Variants in ST8SIA6 observed in about 807,000 individuals in gnomAD.
ST8SIA6 encodes alpha-2,8-sialyltransferase 8F.
In ST8SIA6, 39 loss-of-function variants were observed where a neutral mutation model predicts 33.6. The observed-to-expected ratio is 1.16, with a 90% CI of 0.90 to 1.52. The LOEUF (loss-of-function observed/expected upper bound fraction) is 1.52, where lower values mean the gene tolerates loss of function less well. Among genes scored for constraint, ST8SIA6 ranks in the 40% most tolerant of loss-of-function variants. The pLI, the probability that ST8SIA6 is intolerant of heterozygous loss-of-function variation, is 0.00. For synonymous variants in ST8SIA6, 172 were observed against 167.2 expected (o/e 1.03, Z -0.22); for missense variants, 441 against 443.8 (o/e 0.99, Z 0.06).
chr10:17,411,176 G>T (rs1182576773), intron 2 of ST8SIA6, among the ~76,000 whole-genome samples: 1 of 92,886 alleles, frequency 1.1e-5, no homozygotes, highest in East Asian at 1.1e-3. Flanking sequence ...AACTCTTTGT[G>T]TGTGTGTGTG....
chr10:17,356,225 G>A (rs191443752), intron 4 of ST8SIA6, among the ~76,000 whole-genome samples: 76 of 151,046 alleles, frequency 5.0e-4, no homozygotes, highest in African/African-American at 1.8e-3. Context: ...CACTCTAGCA[G>A]GAACAAAAAA....
At chr10:17,435,326 C>A (rs1280606518) in intron 2 of ST8SIA6, among the ~76,000 whole-genome samples, 1 of 152,122 alleles carries the variant, frequency 6.6e-6, no homozygotes, top group Non-Finnish European at 1.5e-5. Flanking sequence ...GCTTTATCTC[C>A]ATTTCCTATG....
intron 2 of ST8SIA6, among the ~76,000 whole-genome samples, chr10:17,429,128 A>C (rs1021970842): frequency 6.6e-6 from 1 of 151,758 alleles, no homozygotes; most frequent in African/African-American, 2.4e-5. Context: ...GTATTAGTAG[A>C]TATATCTCTT....
At chr10:17,335,451 A>C (rs1337880375) in intron 4 of ST8SIA6, among the ~76,000 whole-genome samples, 1 of 152,214 alleles carries the variant, frequency 6.6e-6, no homozygotes, top group South Asian at 2.1e-4. Context: ...TCTGAATTCC[A>C]ATAATTCTCA....
At chr10:17,329,960 G>T (rs1489952847) in intron 5 of ST8SIA6, among the ~76,000 whole-genome samples, 1 of 152,070 alleles carries the variant, frequency 6.6e-6, no homozygotes, top group East Asian at 1.9e-4. Flanking sequence ...CCGTCTTCTT[G>T]TGTGCCCAGC....
At chr10:17,445,770 G>C (rs1384339804) in intron 2 of ST8SIA6, among the ~76,000 whole-genome samples, 1 of 152,224 alleles carries the variant, frequency 6.6e-6, no homozygotes, top group Non-Finnish European at 1.5e-5. Context: ...GGGAAAGGGA[G>C]TGAATTGGCC....
intron 2 of ST8SIA6, among the ~76,000 whole-genome samples, chr10:17,448,638 C>T (rs1363588690): frequency 2.7e-5 from 4 of 150,770 alleles, no homozygotes; most frequent in Non-Finnish European, 1.5e-5. Context: ...GTTTTTGAGA[C>T]AGAGTCTCGC....
At chr10:17,403,890 C>T (rs978386693) in intron 2 of ST8SIA6, among the ~76,000 whole-genome samples, 4 of 151,624 alleles carry the variant, frequency 2.6e-5, no homozygotes, top group Admixed American at 6.6e-5. Flanking sequence ...GATGAAACTC[C>T]GTCTCTACTG....
rs1287348494 is a variant in ST8SIA6 at position 17,315,495 on chromosome 10, A to T, written c.*5383T>A. ...AAAATGTTCATCAACAAATGAGCAG[A>T]TAAGCCAACTGTGGTCCATCCATAT... On this transcript the variant is annotated 3_prime_UTR_variant, in exon 8 of 8. Transcript: ENST00000377602. Among the ~76,000 whole-genome samples, 1 of 152,074 alleles carries T rather than the reference A, an allele frequency of 6.6e-6. No homozygotes were observed. Among genetic ancestry groups the T allele is most frequent in the Non-Finnish European group, 1.5e-5 (1 of 67,900 alleles).
chr10:17,445,306 C>G (rs186650244), intron 2 of ST8SIA6, among the ~76,000 whole-genome samples: 1 of 152,102 alleles, frequency 6.6e-6, no homozygotes, highest in Non-Finnish European at 1.5e-5. Flanking sequence ...TACATTCTTA[C>G]GAACAGACAC....
At chr10:17,346,337 T>C (rs1449680859) in intron 4 of ST8SIA6, among the ~76,000 whole-genome samples, 1 of 152,216 alleles carries the variant, frequency 6.6e-6, no homozygotes, top group Non-Finnish European at 1.5e-5. Context: ...CTGGGTGTGC[T>C]GGCTCACATC....
chr10:17,429,674 G>A (rs138928308), intron 2 of ST8SIA6, among the ~76,000 whole-genome samples: 5,892 of 150,600 alleles, frequency 0.039, 165 homozygotes, highest in South Asian at 0.055. Flanking sequence ...GTGTAGAGAT[G>A]GGGTCTCACT....
intron 2 of ST8SIA6, among the ~76,000 whole-genome samples, chr10:17,453,269 T>C (rs1852983222): frequency 6.7e-6 from 1 of 149,756 alleles, no homozygotes; most frequent in Admixed American, 6.6e-5. Flanking sequence ...GCGGGGGTGC[T>C]TTCAACACAC....
intron 3 of ST8SIA6, among the ~76,000 whole-genome samples, chr10:17,366,509 G>A (rs969552773): frequency 6.6e-6 from 1 of 151,794 alleles, no homozygotes; most frequent in African/African-American, 2.4e-5. Flanking sequence ...CTGGTATTAA[G>A]TATATACTTA....
Position 17,374,752 on chromosome 10 carries a change from A to AAT in ST8SIA6, c.291-15154_291-15153dup, listed in dbSNP as rs945167221. Among the ~76,000 whole-genome samples, 607 of 123,300 alleles carry AAT rather than the reference A, an allele frequency of 4.9e-3. 20 individuals carry two copies. The highest frequency in any genetic ancestry group is 6.3e-3 in the Non-Finnish European group (373 of 59,286). 80.9% of individuals were successfully genotyped at this position (123,300 alleles called of 152,430 possible). A position where few individuals can be genotyped will look rare whatever the true frequency, so the allele number is the denominator to read the frequency against. Reference sequence around the variant, plus strand: ...TAAATAAATAAATAAATAAATAATAAATATATATATATATATTTAGCTCAA... The same window carrying AAT: ...TAAATAAATAAATAAATAAATAATAAATATATATATATATATATTTAGCTCAA... On this transcript the variant is annotated intron_variant, in intron 3 of 7. Transcript: ENST00000377602.
intron 1 of ST8SIA6, 61 bp from the exon 2 acceptor site, chr10:17,453,718 G>C: frequency 8.3e-7 from 1 of 1,199,074 alleles, no homozygotes; most frequent in Non-Finnish European, 1.1e-6. Context: ...TGGCTGAAAG[G>C]CTGGGAGTCG....
chr10:17,333,050 T>C (rs981026280), intron 4 of ST8SIA6, among the ~76,000 whole-genome samples: 1 of 152,124 alleles, frequency 6.6e-6, no homozygotes, highest in Admixed American at 6.6e-5. Flanking sequence ...AGAAGCTCTT[T>C]AGTTTAAAAT....
At chr10:17,371,366 A>G (rs1272384677) in intron 3 of ST8SIA6, among the ~76,000 whole-genome samples, 1 of 152,164 alleles carries the variant, frequency 6.6e-6, no homozygotes, top group African/African-American at 2.4e-5. Flanking sequence ...TCAGTATGGT[A>G]TTTAAAAACA....
intron 4 of ST8SIA6, among the ~76,000 whole-genome samples, chr10:17,335,833 T>C (rs1020670269): frequency 1.3e-5 from 2 of 152,234 alleles, no homozygotes; most frequent in African/African-American, 4.8e-5. Context: ...ACATAATAAA[T>C]TCTCATTTAC....
Sources: allele counts gnomAD v4.1 joint callset (sites outside exome capture counted in the v4.1 genomes callset), GRCh38; gene constraint gnomAD v4.1.1; transcripts MANE v1.5; gene names NCBI Gene and HGNC (gene_info 2026-07-23, HGNC 2026-07-21).